ETFA: variants seen among roughly 807,000 people sequenced by gnomAD.
The protein encoded by ETFA is electron transfer flavoprotein subunit alpha, also known as electron transfer flavoprotein subunit alpha, mitochondrial.
ETFA carries 22 observed loss-of-function variants against 46.2 expected under a neutral mutation model. That is an observed-to-expected ratio of 0.48 (90% CI 0.34 to 0.68). The LOEUF is 0.68. Among genes scored for constraint, ETFA ranks in the 30% least tolerant of loss-of-function variants. The pLI is 0.01. For missense variants in ETFA, 345 were observed against 401.1 expected, an observed-to-expected ratio of 0.86 and a Z score of 1.19; for synonymous variants, 131 against 139.9, an observed-to-expected ratio of 0.94 and a Z score of 0.45.
chr15:76,232,001 TACACAC>T (rs367863036), intron 9 of ETFA, among the ~76,000 whole-genome samples: 1 of 149,442 alleles, frequency 6.7e-6, no homozygotes, highest in Non-Finnish European at 1.5e-5. Flanking sequence ...CACGTACACA[TACACAC>T]ACACACACAC....
intron 10 of ETFA, among the ~76,000 whole-genome samples, chr15:76,229,843 G>A (rs2039046190): frequency 6.6e-6 from 1 of 152,170 alleles, no homozygotes; most frequent in Admixed American, 6.5e-5. Flanking sequence ...ATGCAGGAAT[G>A]TCAGAGGCAT....
Position 76,285,649 on chromosome 15 carries a change from C to G in ETFA, c.652G>C (p.Val218Leu). 6.3e-7 allele frequency: 1 copy of G among 1,591,454 alleles called. No individual in the cohort carries two copies. The highest frequency in any genetic ancestry group is 8.6e-7 in the Non-Finnish European group (1 of 1,159,492). The change falls in exon 7 of 12, where the codon GTG becomes CTG. Residue 218 changes from valine to leucine, a missense_variant. Val to Leu is a conservative substitution (Grantham distance 32). Coordinates refer to ENST00000557943, the MANE Select transcript of ETFA (RefSeq NM_000126.4). Reference sequence around the variant, plus strand: ...ATATTTCACTTACCACCAGATACCACCACTTTGGCACCTGTTAGCTCTGGT... The same window carrying G: ...ATATTTCACTTACCACCAGATACCAGCACTTTGGCACCTGTTAGCTCTGGT... ...DRPELTGAKV[V>L]VSGGRGLKSG...
chr15:76,245,636 T>C (rs1017555006), intron 9 of ETFA, among the ~76,000 whole-genome samples: 1 of 152,244 alleles, frequency 6.6e-6, no homozygotes, highest in Admixed American at 6.5e-5. Flanking sequence ...AGTCTCACCA[T>C]TATGAATGGA....
intron 8 of ETFA, among the ~76,000 whole-genome samples, chr15:76,281,808 G>T (rs746723395): frequency 2.6e-5 from 4 of 151,430 alleles, no homozygotes; most frequent in Non-Finnish European, 5.9e-5. Flanking sequence ...TATTACCTAC[G>T]TGGCAGCAGA....
At chr15:76,275,137 C>T (rs2039579225) in intron 8 of ETFA, among the ~76,000 whole-genome samples, 2 of 152,138 alleles carry the variant, frequency 1.3e-5, no homozygotes, top group Admixed American at 6.5e-5. Context: ...TTATGTCTGT[C>T]CCCATAAGCC....
chr15:76,295,455 G>T (rs2039808570), intron 2 of ETFA, 136 bp downstream of exon 2: 4 of 779,478 alleles, frequency 5.1e-6, no homozygotes, highest in South Asian at 4.2e-5. Context: ...ACATGGTAAT[G>T]GTTGTGACAC....
chr15:76,283,969 G>A (rs1452317652), intron 7 of ETFA, 144 bp from the exon 8 acceptor site: 2 of 638,612 alleles, frequency 3.1e-6, no homozygotes, highest in Non-Finnish European at 5.7e-6. Context: ...ACCTTTTCTG[G>A]CCTCTGACAC....
At chr15:76,260,858 G>A in intron 9 of ETFA, 3 of 1,611,774 alleles carry the variant, frequency 1.9e-6, no homozygotes, top group South Asian at 1.1e-5. Context: ...CCCGGAGCAG[G>A]CAGGTAAAGG....
At chr15:76,278,584 C>T (rs2039619378) in intron 8 of ETFA, among the ~76,000 whole-genome samples, 1 of 152,230 alleles carries the variant, frequency 6.6e-6, no homozygotes, top group Non-Finnish European at 1.5e-5. Context: ...ATATTTTCCT[C>T]TAAATAAATA....
At chr15:76,223,727 T>C (rs1473089183) in intron 11 of ETFA, among the ~76,000 whole-genome samples, 1 of 152,250 alleles carries the variant, frequency 6.6e-6, no homozygotes, top group Non-Finnish European at 1.5e-5. Flanking sequence ...TTCACTGTCT[T>C]AGGACTCTTT....
intron 1 of ETFA, among the ~76,000 whole-genome samples, 199 bp from the exon 2 acceptor site, chr15:76,295,936 C>CCTTTTTTTTTTTTTTTTTTTTTTTTTTTT (rs2039816100): frequency 2.1e-5 from 1 of 46,602 alleles, no homozygotes; most frequent in African/African-American, 6.7e-5. Context: ...CACTAATATT[C>CCTTTTTTTTTTTTTTTTTTTTTTTTTTTT]TTTTTTTTTT....
intron 10 of ETFA, among the ~76,000 whole-genome samples, chr15:76,227,133 C>CCCTATAATCCCTATA (rs2039012252): frequency 6.6e-6 from 1 of 152,124 alleles, no homozygotes; most frequent in Non-Finnish European, 1.5e-5. Context: ...CATGGTAACT[C>CCCTATAATCCCTATA]ATACCTATAA....
At chr15:76,270,174 T>A (rs2039514255) in intron 9 of ETFA, among the ~76,000 whole-genome samples, 1 of 152,146 alleles carries the variant, frequency 6.6e-6, no homozygotes, top group Admixed American at 6.5e-5. Context: ...CAGACAAAGA[T>A]GCCAGAGTCC....
intron 1 of ETFA, among the ~76,000 whole-genome samples, chr15:76,303,874 G>C (rs4886486): frequency 0.28 from 43,189 of 152,170 alleles, 6,590 homozygotes; most frequent in East Asian, 0.58. Context: ...AGCCACTGCG[G>C]AAAGCAATGT....
intron 9 of ETFA, among the ~76,000 whole-genome samples, chr15:76,236,267 C>G (rs183787946): frequency 1.3e-5 from 2 of 152,172 alleles, no homozygotes; most frequent in African/African-American, 2.4e-5. Flanking sequence ...TTCGATACAT[C>G]TATACTTATA....
chr15:76,274,441 C>G lies in ETFA; in HGVS notation c.787G>C (p.Val263Leu). 1 of 1,612,414 alleles carries G rather than the reference C, an allele frequency of 6.2e-7. No individual in the cohort carries two copies. Among genetic ancestry groups the G allele is most frequent in the Non-Finnish European group, 8.5e-7 (1 of 1,179,098 alleles). The change falls in exon 9 of 12, where the codon GTT becomes CTT. Residue 263 changes from valine (V) to leucine (L), a missense_variant. Coordinates refer to ENST00000557943, the MANE Select transcript of ETFA (RefSeq NM_000126.4). ...DAGFVPNDMQ[V>L]GQTGKIVAPE... is the part of the protein sequence containing the mutation. ...GCTACTATTTTTCCCGTCTGTCCAA[C>G]TTGCATGTCATTGGGAACAAAGCCA...
At position 76,281,902 on chromosome 15, in the gene ETFA, T is replaced by TC. The variant is rs1192702089; in HGVS notation, c.733+1854_733+1855insG. ...TAAATGCCATTACACGTATCCTTTT[T>TC]TTTTTTTTTTTTTTTTTTCCAGACG... On this transcript the variant is annotated intron_variant, in intron 8 of 11. Coordinates refer to ENST00000557943, the MANE Select transcript of ETFA (RefSeq NM_000126.4). Among the ~76,000 whole-genome samples the TC allele has an allele frequency of 2.2e-3, 308 of 141,834 alleles. 1 individual carries two copies. The highest frequency in any genetic ancestry group is 7.5e-3 in the African/African-American group (289 of 38,290). The allele number at this position is 141,834 out of a possible 152,430, so 93.0% of individuals were successfully genotyped here.
rs761552468 is a variant in ETFA at position 76,311,378 on chromosome 15, G to A, written c.11C>T (p.Ala4Val). 25 of 1,563,808 alleles carry A rather than the reference G, an allele frequency of 1.6e-5. No homozygotes were observed. In the African/African-American group the frequency reaches 1.8e-4, roughly 11 times the overall value. ...CCGCCGGAGCTGCCCCGGAGCCGCC[G>A]CTCGGAACATGGTCTCCGCTTCCGC... is the stretch of plus-strand genomic sequence containing the variant. MFR[A>V]AAPGQLRRAA... Residue 4 changes from alanine to valine, a missense_variant, in exon 1 of 12, where the codon GCG becomes GTG. Transcript: ENST00000557943.
intron 9 of ETFA, chr15:76,261,671 A>C: frequency 5.5e-6 from 2 of 361,206 alleles, no homozygotes; most frequent in Non-Finnish European, 1.0e-5. Flanking sequence ...CAGCCGCCCC[A>C]TGCTGTGCCT....
Sources: allele counts gnomAD v4.1 joint callset (sites outside exome capture counted in the v4.1 genomes callset), GRCh38; gene constraint gnomAD v4.1.1; transcripts MANE v1.5; gene names NCBI Gene and HGNC (gene_info 2026-07-23, HGNC 2026-07-21).